The following DPYS variants were observed in gnomAD, a reference collection of about 807,000 sequenced individuals.
DPYS encodes dihydropyrimidine amidohydrolase.
Under a neutral mutation model 50.3 loss-of-function variants are expected in DPYS, and 39 were observed. The ratio of observed to expected loss-of-function variants is 0.78; its 90% CI spans 0.60 to 1.01. The LOEUF (loss-of-function observed/expected upper bound fraction) is 1.01, where lower values mean the gene tolerates loss of function less well. DPYS is among the 50% of genes least tolerant of loss of function. The pLI, the probability that DPYS is intolerant of heterozygous loss-of-function variation, is 0.00. For missense variants in DPYS, 659 were observed against 680.9 expected, an observed-to-expected ratio of 0.97 and a Z score of 0.36; for synonymous variants, 245 against 250.7, an observed-to-expected ratio of 0.98 and a Z score of 0.22.
At chr8:104,394,985 T>A (rs1007233251) in intron 7 of DPYS, among the ~76,000 whole-genome samples, 1 of 151,650 alleles carries the variant, frequency 6.6e-6, no homozygotes, top group East Asian at 1.9e-4. Flanking sequence ...AAACTAAGAT[T>A]TTTTTTAATT....
Position 104,444,372 on chromosome 8 carries a change from C to G in DPYS, c.669G>C (p.Glu223Asp). Residue 223 changes from glutamate to aspartate, a missense_variant, in exon 4 of 10, where the codon GAG (glutamate) becomes GAC (aspartate). Glu to Asp is a conservative substitution (Grantham distance 45). Coordinates refer to ENST00000351513, the MANE Select transcript of DPYS (RefSeq NM_001385.3). ...TCAGCGTGGCCTCTGCCTCCACTGC[C>G]TCTGGGCGGCACAGCTCGTGGCCCT... ...GPEGHELCRP[E>D]AVEAEATLRA... The G allele has an allele frequency of 6.2e-7, 1 of 1,614,260 alleles. No homozygotes were observed. Among genetic ancestry groups the G allele is most frequent in the Non-Finnish European group, 8.5e-7 (1 of 1,180,048 alleles).
chr8:104,391,962 A>G (rs188443346), intron 8 of DPYS, among the ~76,000 whole-genome samples: 260 of 152,220 alleles, frequency 1.7e-3, no homozygotes, highest in African/African-American at 6.1e-3. Context: ...ATTTGTTAGG[A>G]AGGAAACATT....
At chr8:104,453,649 TTAAAGA>T (rs1233118759) in intron 1 of DPYS, among the ~76,000 whole-genome samples, 2 of 152,134 alleles carry the variant, frequency 1.3e-5, no homozygotes, top group Non-Finnish European at 2.9e-5. Flanking sequence ...CCTCTCACAG[TTAAAGA>T]TAGAGTTACC....
At chr8:104,397,069 A>G (rs1287994680) in intron 7 of DPYS, among the ~76,000 whole-genome samples, 1 of 152,182 alleles carries the variant, frequency 6.6e-6, no homozygotes, top group African/African-American at 2.4e-5. Flanking sequence ...TTCCAGCTGA[A>G]GCTGTAATTC....
chr8:104,421,768 G>C (rs56380518), intron 7 of DPYS, among the ~76,000 whole-genome samples: 56,243 of 151,956 alleles, frequency 0.37, 10,836 homozygotes, highest in East Asian at 0.46. Flanking sequence ...GGGAAATTAA[G>C]CAGGTAATAT....
chr8:104,452,053 A>G (rs982028603), intron 1 of DPYS, among the ~76,000 whole-genome samples: 1 of 152,216 alleles, frequency 6.6e-6, no homozygotes, highest in African/African-American at 2.4e-5. Context: ...ATATTTCCAA[A>G]GCAAAAATGT....
At chr8:104,463,027 G>A (rs148080442) in intron 1 of DPYS, among the ~76,000 whole-genome samples, 6 of 152,148 alleles carry the variant, frequency 3.9e-5, no homozygotes, top group African/African-American at 1.4e-4. Context: ...TTTTAAAATT[G>A]AGTCCCATCA....
intron 7 of DPYS, among the ~76,000 whole-genome samples, chr8:104,407,778 C>T (rs1194195218): frequency 6.6e-6 from 1 of 152,188 alleles, no homozygotes; most frequent in African/African-American, 2.4e-5. Flanking sequence ...CTTCTTGTCT[C>T]TGGTTTCTCT....
intron 7 of DPYS, among the ~76,000 whole-genome samples, chr8:104,419,333 C>T (rs1812474313): frequency 6.6e-6 from 1 of 152,208 alleles, no homozygotes; most frequent in South Asian, 2.1e-4. Flanking sequence ...CTGCATCCTT[C>T]TCACTCACCT....
At chr8:104,416,608 G>A (rs764464319) in intron 7 of DPYS, among the ~76,000 whole-genome samples, 9 of 152,102 alleles carry the variant, frequency 5.9e-5, no homozygotes, top group African/African-American at 1.2e-4. Flanking sequence ...TCTTTAGGCC[G>A]ATCAACTGTT....
In DPYS at chr8:104,392,770, T is replaced by G. The variant is rs1440057717; in HGVS notation, c.1443+14A>C. On this transcript the variant is annotated intron_variant, in intron 8 of 9. Coordinates refer to ENST00000351513, the MANE Select transcript of DPYS (RefSeq NM_001385.3). ...AGTCCGACTTGTGGCAGTATCCCACTGTGGCACACTCACCCGGTCTCGCTG... is the reference window on the plus strand; with the variant it reads ...AGTCCGACTTGTGGCAGTATCCCACGGTGGCACACTCACCCGGTCTCGCTG... 6.2e-7 allele frequency: 1 copy of G among 1,613,926 alleles called. No individual in the cohort carries two copies. Among genetic ancestry groups the G allele is most frequent in the South Asian group, 1.1e-5 (1 of 91,078 alleles).
intron 2 of DPYS, among the ~76,000 whole-genome samples, chr8:104,447,977 C>T (rs1475659195): frequency 6.6e-6 from 1 of 151,998 alleles, no homozygotes; most frequent in Non-Finnish European, 1.5e-5. Context: ...CGGGCATGCC[C>T]AAGAAAGCAC....
chr8:104,405,018 G>C (rs911873572), intron 7 of DPYS, among the ~76,000 whole-genome samples: 5 of 151,338 alleles, frequency 3.3e-5, no homozygotes, highest in African/African-American at 9.7e-5. Flanking sequence ...TGGTGTGAGA[G>C]AGCCACAAAT....
At chr8:104,435,096 T>C (rs2140668991) in intron 4 of DPYS, among the ~76,000 whole-genome samples, 1 of 152,278 alleles carries the variant, frequency 6.6e-6, no homozygotes, top group African/African-American at 2.4e-5. Flanking sequence ...GAACAATGCA[T>C]TTCCTAAAAA....
At position 104,444,442 on chromosome 8, in the gene DPYS, A is replaced by G; in HGVS notation, c.604-5T>C. 6.2e-7 allele frequency: 1 copy of G among 1,614,136 alleles called. No homozygotes were observed. The highest frequency in any genetic ancestry group is 1.3e-5 in the African/African-American group (1 of 75,048). Reference sequence around the variant, plus strand: ...AGCCAACATCTTCTTTGCTCCCTAAAAAGACAGCAGGAATGTGTATATGTG... The same window carrying G: ...AGCCAACATCTTCTTTGCTCCCTAAGAAGACAGCAGGAATGTGTATATGTG... On this transcript the variant is annotated splice_polypyrimidine_tract_variant and splice_region_variant and intron_variant, in intron 3 of 9. Transcript: ENST00000351513.
At chr8:104,447,236 A>C (rs899752034) in intron 3 of DPYS, 88 bp downstream of exon 3, 14 of 1,501,758 alleles carry the variant, frequency 9.3e-6, no homozygotes, top group Middle Eastern at 1.7e-4. Context: ...AATGCATTAA[A>C]TGAGTTTACC....
intron 7 of DPYS, chr8:104,421,516 C>T (rs1348143640): frequency 6.6e-6 from 1 of 152,210 alleles, no homozygotes; most frequent in African/African-American, 2.4e-5. Flanking sequence ...CGCCTGTAGT[C>T]CCAGCTACTA....
chr8:104,384,087 G>C (rs992770799), intron 8 of DPYS, among the ~76,000 whole-genome samples: 1 of 152,128 alleles, frequency 6.6e-6, no homozygotes, highest in Non-Finnish European at 1.5e-5. Flanking sequence ...GGTGGGCCAG[G>C]TCTGCTTTCC....
In DPYS at chr8:104,444,434, C is replaced by T. The variant is rs1196493702; in HGVS notation, c.607G>A (p.Ala203Thr). ...AENGDLIAEG[A>T]KKMLALGITG... ...ATCCCCAGAGCCAACATCTTCTTTGCTCCCTAAAAAGACAGCAGGAATGTG... is the reference window on the plus strand; with the variant it reads ...ATCCCCAGAGCCAACATCTTCTTTGTTCCCTAAAAAGACAGCAGGAATGTG... The change falls in exon 4 of 10, where the codon GCA (alanine) becomes ACA (threonine). Residue 203 changes from alanine to threonine, a missense_variant. Coordinates refer to ENST00000351513, the MANE Select transcript of DPYS (RefSeq NM_001385.3). The T allele has an allele frequency of 6.2e-7, 1 of 1,614,156 alleles. No homozygotes were observed. The highest frequency in any genetic ancestry group is 1.6e-4 in the Middle Eastern group (1 of 6,062).
Sources: allele counts gnomAD v4.1 joint callset (sites outside exome capture counted in the v4.1 genomes callset), GRCh38; gene constraint gnomAD v4.1.1; transcripts MANE v1.5; gene names NCBI Gene and HGNC (gene_info 2026-07-23, HGNC 2026-07-21).